The following ERC2 variants were observed in gnomAD, a reference collection of about 807,000 sequenced individuals.
The protein encoded by ERC2 is ERC protein 2.
A neutral mutation model predicts 114.8 loss-of-function variants in ERC2; 42 were observed. The ratio of observed to expected loss-of-function variants is 0.37; its 90% confidence interval spans 0.29 to 0.47. ERC2 has a LOEUF of 0.47. ERC2 is among the 20% of genes least tolerant of loss of function. The pLI is 0.99. For synonymous variants in ERC2, 454 were observed against 425.5 expected (o/e 1.07, Z -0.82); for missense variants, 939 against 1,150.7 (o/e 0.82, Z 2.66).
At chr3:55,978,758 T>C (rs980983621) in intron 12 of ERC2, among the ~76,000 whole-genome samples, 18 of 152,214 alleles carry the variant, frequency 1.2e-4, no homozygotes, top group Admixed American at 3.3e-4. Context: ...AATGATGATG[T>C]TGTTTCTTAG....
rs1576273378 is a variant in ERC2 at position 56,285,752 on chromosome 3, T to C, written c.1074+10267A>G. On this transcript the variant is annotated intron_variant, in intron 3 of 17. Coordinates refer to ENST00000288221, the MANE Select transcript of ERC2 (RefSeq NM_015576.3). ...CATGTCAATATTTTTTAACACAACC[T>C]GCAGATATACACAGTTTCTTTTTCA... Among the ~76,000 whole-genome samples, 3 of 152,190 alleles carry C rather than the reference T, an allele frequency of 2.0e-5. No homozygotes were observed. In the East Asian group the frequency reaches 5.8e-4, roughly 29 times the overall value.
chr3:56,244,224 G>C (rs1191855628), intron 3 of ERC2, among the ~76,000 whole-genome samples: 2 of 152,134 alleles, frequency 1.3e-5, no homozygotes, highest in Admixed American at 1.3e-4. Flanking sequence ...ACTCATGTTT[G>C]TGGTGCTGCT....
At chr3:55,678,402 G>A (rs1263725747) in intron 17 of ERC2, among the ~76,000 whole-genome samples, 2 of 152,092 alleles carry the variant, frequency 1.3e-5, no homozygotes, top group Admixed American at 1.3e-4. Flanking sequence ...ATCTCAGGGG[G>A]AACTACAAGA....
At chr3:56,343,192 T>TCTCTCTCTCTCTCTCTCTCTCTCA (rs1376220124) in intron 2 of ERC2, among the ~76,000 whole-genome samples, 3 of 126,128 alleles carry the variant, frequency 2.4e-5, no homozygotes, top group African/African-American at 9.1e-5. Flanking sequence ...TCTCTCTCTC[T>TCTCTCTCTCTCTCTCTCTCTCTCA]CACACACACA....
At chr3:55,898,024 C>T (rs537246222) in intron 13 of ERC2, among the ~76,000 whole-genome samples, 27 of 152,206 alleles carry the variant, frequency 1.8e-4, no homozygotes, top group South Asian at 2.1e-4. Flanking sequence ...ATTTTGACAA[C>T]GTTTCACATT....
intron 17 of ERC2, among the ~76,000 whole-genome samples, chr3:55,604,357 T>C (rs909291998): frequency 2.0e-5 from 3 of 152,208 alleles, no homozygotes; most frequent in African/African-American, 4.8e-5. Context: ...CATCTATATA[T>C]ATAAATATCA....
chr3:56,418,123 C>CA (rs899940710), intron 2 of ERC2, among the ~76,000 whole-genome samples: 80 of 150,226 alleles, frequency 5.3e-4, no homozygotes, highest in Non-Finnish European at 7.3e-4. Flanking sequence ...CCTGTCTCTA[C>CA]AAAAAAAAAT....
chr3:56,140,428 T>C (rs1357043345), intron 5 of ERC2, among the ~76,000 whole-genome samples: 1 of 152,102 alleles, frequency 6.6e-6, no homozygotes, highest in East Asian at 1.9e-4. Context: ...TGGGCTACAA[T>C]TTTTTTTCCT....
chr3:55,894,347 C>G (rs2063746034), intron 13 of ERC2, among the ~76,000 whole-genome samples: 1 of 151,982 alleles, frequency 6.6e-6, no homozygotes, highest in Non-Finnish European at 1.5e-5. Context: ...CATTGCTATG[C>G]AAAAATTAGG....
chr3:56,424,466 G>T lies in ERC2; in HGVS notation c.657+9885C>A, dbSNP rs531568213. 1.2e-3 allele frequency among the ~76,000 whole-genome samples: 182 copies of T among 152,236 alleles called. 1 individual carries two copies. Among genetic ancestry groups the T allele is most frequent in the Non-Finnish European group, 2.1e-3 (141 of 68,020 alleles). On this transcript the variant is annotated intron_variant, in intron 2 of 17. Coordinates refer to ENST00000288221, the MANE Select transcript of ERC2 (RefSeq NM_015576.3). ...AAAAATCTGTAAGGCCACTAATGTG[G>T]TACACATGGCTGATTCTAGGGCCGA...
intron 3 of ERC2, among the ~76,000 whole-genome samples, chr3:56,242,158 T>C (rs943816565): frequency 6.6e-6 from 1 of 152,134 alleles, no homozygotes; most frequent in Non-Finnish European, 1.5e-5. Flanking sequence ...CGGAACAAAA[T>C]AATGGCCTTT....
chr3:55,805,528 C>T (rs1016016044), intron 14 of ERC2, among the ~76,000 whole-genome samples: 1 of 151,372 alleles, frequency 6.6e-6, no homozygotes, highest in African/African-American at 2.4e-5. Flanking sequence ...ATTGACGAGT[C>T]CCACCAGCAA....
At chr3:56,438,433 G>T (rs888543634) in intron 1 of ERC2, among the ~76,000 whole-genome samples, 20 of 152,154 alleles carry the variant, frequency 1.3e-4, no homozygotes, top group African/African-American at 3.4e-4. Flanking sequence ...CTCCTCAGCT[G>T]CAGCACCTGA....
intron 10 of ERC2, among the ~76,000 whole-genome samples, chr3:56,004,789 A>G (rs2149555906): frequency 1.3e-5 from 2 of 152,152 alleles, no homozygotes; most frequent in African/African-American, 4.8e-5. Context: ...TTATGTTTTC[A>G]GCTTTCATTT....
At chr3:56,388,037 C>T (rs1047300485) in intron 2 of ERC2, among the ~76,000 whole-genome samples, 1 of 152,128 alleles carries the variant, frequency 6.6e-6, no homozygotes, top group Non-Finnish European at 1.5e-5. Context: ...CCTTTAAGAC[C>T]TTTCCAATAT....
chr3:55,733,536 T>TCACACACACACA (rs1388408863), intron 15 of ERC2, among the ~76,000 whole-genome samples: 1 of 68,532 alleles, frequency 1.5e-5, no homozygotes, highest in African/African-American at 5.5e-5. Context: ...ATTCTTTCTC[T>TCACACACACACA]CTCTCTCACA....
chr3:56,257,340 G>T (rs2052590071), intron 3 of ERC2, among the ~76,000 whole-genome samples: 1 of 152,146 alleles, frequency 6.6e-6, no homozygotes, highest in Non-Finnish European at 1.5e-5. Flanking sequence ...CAATTCTTTT[G>T]GTTTATAATA....
At chr3:55,877,968 A>G (rs564042712) in intron 14 of ERC2, among the ~76,000 whole-genome samples, 37 of 152,218 alleles carry the variant, frequency 2.4e-4, no homozygotes, top group African/African-American at 8.2e-4. Context: ...CTGCTCTTGG[A>G]TTGGAAGAAA....
intron 10 of ERC2, among the ~76,000 whole-genome samples, chr3:55,996,517 C>G (rs1299155473): frequency 6.6e-6 from 1 of 152,178 alleles, no homozygotes; most frequent in Non-Finnish European, 1.5e-5. Flanking sequence ...GAGCAACTCT[C>G]AAGCATCTTA....
Sources: gnomAD v4.1 joint callset for allele counts (sites outside exome capture counted in the v4.1 genomes callset) on GRCh38, gnomAD v4.1.1 for gene constraint, MANE v1.5 for transcripts, NCBI Gene and HGNC (gene_info 2026-07-23, HGNC 2026-07-21) for gene names.